The following TMX1 variants were observed in gnomAD, a reference collection of about 807,000 sequenced individuals.
TMX1 encodes thioredoxin related transmembrane protein 1.
Under a neutral mutation model 36.6 loss-of-function variants are expected in TMX1, and 25 were observed. The ratio of observed to expected loss-of-function variants is 0.68; its 90% CI spans 0.50 to 0.95. The LOEUF is 0.95. Among genes scored for constraint, TMX1 ranks in the 40% least tolerant of loss-of-function variants. The pLI is 0.00. For missense variants in TMX1, 347 were observed against 339.6 expected, an observed-to-expected ratio of 1.02 and a Z score of -0.17; for synonymous variants, 133 against 118.0, an observed-to-expected ratio of 1.13 and a Z score of -0.82.
chr14:51,243,003 G>A (rs1482369168), intron 1 of TMX1, among the ~76,000 whole-genome samples: 1 of 150,748 alleles, frequency 6.6e-6, no homozygotes. Flanking sequence ...TTAGGAGTTT[G>A]GTTTTCATAA....
At chr14:51,252,531 G>T (rs532097267) in intron 7 of TMX1, among the ~76,000 whole-genome samples, 1 of 152,226 alleles carries the variant, frequency 6.6e-6, no homozygotes, top group East Asian at 1.9e-4. Flanking sequence ...ACACTTAGGA[G>T]ATAGGTATGT....
chr14:51,241,957 G>A (rs2065763724), intron 1 of TMX1, among the ~76,000 whole-genome samples: 1 of 152,186 alleles, frequency 6.6e-6, no homozygotes, highest in Admixed American at 6.5e-5. Flanking sequence ...GTGAAACGCC[G>A]TTTGTACTAA....
chr14:51,256,558 C>T lies in TMX1; in HGVS notation c.*2039C>T, dbSNP rs2065839639. Reference sequence around the variant, plus strand: ...AATATCCTGGAGAATTCTGGGCCACCTACCCACCATAATCAATTCAGCTGT... The same window carrying T: ...AATATCCTGGAGAATTCTGGGCCACTTACCCACCATAATCAATTCAGCTGT... On this transcript the variant is annotated 3_prime_UTR_variant, in exon 8 of 8. Coordinates refer to ENST00000457354, the MANE Select transcript of TMX1 (RefSeq NM_030755.5). 1 of 152,138 alleles carries T rather than the reference C, an allele frequency of 6.6e-6. No individual in the cohort carries two copies. The highest frequency in any genetic ancestry group is 1.5e-5 in the Non-Finnish European group (1 of 68,034). 9.4% of individuals were successfully genotyped at this position (152,138 alleles called of 1,614,324 possible).
At chr14:51,249,112 ATTTT>A (rs988540788) in intron 4 of TMX1, among the ~76,000 whole-genome samples, 6 of 152,216 alleles carry the variant, frequency 3.9e-5, no homozygotes, top group African/African-American at 1.4e-4. Context: ...ACTGTCAAGT[ATTTT>A]TATTTATGAG....
At chr14:51,241,574 A>G (rs2065761538) in intron 1 of TMX1, among the ~76,000 whole-genome samples, 1 of 152,194 alleles carries the variant, frequency 6.6e-6, no homozygotes, top group South Asian at 2.1e-4. Context: ...CTTCTTCTTT[A>G]AAAAGGTTCA....
intron 7 of TMX1, 191 bp from the exon 8 acceptor site, chr14:51,254,150 C>G: frequency 2.3e-6 from 1 of 436,164 alleles, no homozygotes; most frequent in Non-Finnish European, 3.9e-6. Context: ...TAAAATGGCT[C>G]AAACAATTTT....
At position 51,257,592 on chromosome 14, in the gene TMX1, A is replaced by G. The variant is rs2065844158; in HGVS notation, c.*3073A>G. 1 of 152,240 alleles carries G rather than the reference A, an allele frequency of 6.6e-6. No homozygotes were observed. Among genetic ancestry groups the G allele is most frequent in the African/African-American group, 2.4e-5 (1 of 41,464 alleles). 9.4% of individuals were successfully genotyped at this position (152,240 alleles called of 1,614,324 possible). A position where few individuals can be genotyped will look rare whatever the true frequency, so the allele number is the denominator to read the frequency against. On this transcript the variant is annotated 3_prime_UTR_variant, in exon 8 of 8. Coordinates refer to ENST00000457354, the MANE Select transcript of TMX1 (RefSeq NM_030755.5). ...GTACTGCTTATCTAGCAACTTTTGT[A>G]TTTGTGAAACCATTAAAACTAGAGT...
chr14:51,253,832 G>C (rs2065825950), intron 7 of TMX1: 1 of 152,326 alleles, frequency 6.6e-6, no homozygotes, highest in Middle Eastern at 3.2e-3. Context: ...GTAAATGTGT[G>C]ATTTCTGTTC....
At chr14:51,247,523 AT>A (rs1245371457) in intron 4 of TMX1, among the ~76,000 whole-genome samples, 1 of 151,812 alleles carries the variant, frequency 6.6e-6, no homozygotes, top group East Asian at 1.9e-4. Flanking sequence ...CACGTGGCTA[AT>A]TTTTTTGTAT....
intron 4 of TMX1, among the ~76,000 whole-genome samples, 167 bp downstream of exon 4, chr14:51,247,387 T>C (rs1341270600): frequency 7.4e-5 from 11 of 148,220 alleles, no homozygotes; most frequent in Non-Finnish European, 1.2e-4. Context: ...GATGGAGTCT[T>C]GCTCTGTCGC....
At chr14:51,247,945 C>T (rs1054384893) in intron 4 of TMX1, among the ~76,000 whole-genome samples, 2 of 152,150 alleles carry the variant, frequency 1.3e-5, no homozygotes, top group South Asian at 2.1e-4. Flanking sequence ...CCATAGAGAC[C>T]GTCAATAATT....
At chr14:51,252,007 G>A (rs554394423) in intron 7 of TMX1, among the ~76,000 whole-genome samples, 9 of 152,086 alleles carry the variant, frequency 5.9e-5, no homozygotes, top group Admixed American at 5.2e-4. Context: ...TCCTTTCTGT[G>A]CAATATCGTG....
intron 7 of TMX1, chr14:51,254,066 C>G (rs1198836595): frequency 2.2e-5 from 5 of 223,084 alleles, no homozygotes; most frequent in Non-Finnish European, 4.3e-5. Context: ...CTTCCATATT[C>G]ACAACATTAA....
In TMX1 at chr14:51,249,453, T is replaced by G; in HGVS notation, c.490-15T>G. 20 of 1,587,680 alleles carry G rather than the reference T, an allele frequency of 1.3e-5. No individual in the cohort carries two copies. Among genetic ancestry groups the G allele is most frequent in the Non-Finnish European group, 1.6e-5 (19 of 1,172,574 alleles). On this transcript the variant is annotated splice_polypyrimidine_tract_variant and intron_variant, in intron 5 of 7. Transcript: ENST00000457354. ...ATGAACAGATTTTTAGTTTTTTTTT[T>G]TCTTTTGATTTTAGACTTGCCATAA...
chr14:51,241,748 G>A (rs1237465495), intron 1 of TMX1, among the ~76,000 whole-genome samples: 1 of 152,168 alleles, frequency 6.6e-6, no homozygotes, highest in Non-Finnish European at 1.5e-5. Flanking sequence ...AATACAGCAA[G>A]GGTTGTCAAG....
In TMX1 at chr14:51,240,301, C is replaced by G; in HGVS notation, c.9C>G (p.Pro3=). The G allele has an allele frequency of 6.2e-7, 1 of 1,611,504 alleles. No individual in the cohort carries two copies. Among genetic ancestry groups the G allele is most frequent in the Non-Finnish European group, 8.5e-7 (1 of 1,179,800 alleles). ...GGTGGGCAAGCGGCGAAATGGCGCC[C>G]TCCGGGAGTCTTGCAGTTCCCCTGG... The part of the protein sequence containing the change: MA[P]SGSLAVPLAV... Residue 3 remains proline, a synonymous_variant, in exon 1 of 8, where the codon CCC becomes CCG. Coordinates refer to ENST00000457354, the MANE Select transcript of TMX1 (RefSeq NM_030755.5).
intron 3 of TMX1, among the ~76,000 whole-genome samples, chr14:51,246,875 C>T (rs1347351051): frequency 6.6e-6 from 1 of 152,120 alleles, no homozygotes; most frequent in Non-Finnish European, 1.5e-5. Flanking sequence ...ACAGTAATTA[C>T]ATTTTAAGGC....
chr14:51,247,930 T>C (rs1235437931), intron 4 of TMX1, among the ~76,000 whole-genome samples: 1 of 152,224 alleles, frequency 6.6e-6, no homozygotes, highest in Admixed American at 6.5e-5. Flanking sequence ...TTTAATGTTC[T>C]GTCTCCATAG....
intron 3 of TMX1, chr14:51,245,604 T>C: frequency 1.1e-6 from 1 of 882,026 alleles, no homozygotes; most frequent in Non-Finnish European, 1.7e-6. Flanking sequence ...TGTGAAATGG[T>C]GTGATCCTGT....
Sources: gnomAD v4.1 joint callset for allele counts (sites outside exome capture counted in the v4.1 genomes callset) on GRCh38, gnomAD v4.1.1 for gene constraint, MANE v1.5 for transcripts, NCBI Gene and HGNC (gene_info 2026-07-23, HGNC 2026-07-21) for gene names.